Variants in GOLM2 observed in about 807,000 individuals in gnomAD.
The protein encoded by GOLM2 is golgi membrane protein 2.
GOLM2 carries 26 observed loss-of-function variants against 55.9 expected under a neutral mutation model. The ratio of observed to expected loss-of-function variants is 0.47; its 90% CI spans 0.34 to 0.65. GOLM2 has a LOEUF of 0.65. GOLM2 is among the 30% of genes least tolerant of loss of function. The probability of loss-of-function intolerance (pLI) is 0.01; values close to 1 mark genes in which losing one functional copy is unlikely to be tolerated. For missense variants in GOLM2, 486 were observed against 531.8 expected (o/e 0.91, Z 0.85); for synonymous variants, 165 against 194.6 (o/e 0.85, Z 1.27).
chr15:44,406,878 A>G (rs1006036185), intron 9 of GOLM2: 1 of 152,012 alleles, frequency 6.6e-6, no homozygotes, highest in African/African-American at 2.4e-5. Flanking sequence ...TGTATTATGA[A>G]TTGAGGCTTT....
Position 44,414,483 on chromosome 15 carries a change from C to G in GOLM2, c.*1077C>G, listed in dbSNP as rs764046156. The stretch of plus-strand genomic sequence containing the variant: ...TAATACCAGTACTGTTTAACTATAG[C>G]CAGAACTGGCTAAAATTTTTATATT... On this transcript the variant is annotated 3_prime_UTR_variant, in exon 10 of 10. Coordinates refer to ENST00000299957, the MANE Select transcript of GOLM2 (RefSeq NM_138423.4). The G allele has an allele frequency of 1.8e-4, 27 of 152,178 alleles. No homozygotes were observed. The highest frequency in any genetic ancestry group is 3.5e-4 in the Non-Finnish European group (24 of 67,996). 9.4% of individuals were successfully genotyped at this position (152,178 alleles called of 1,614,324 possible).
At chr15:44,377,666 T>C (rs1416781972) in intron 6 of GOLM2, among the ~76,000 whole-genome samples, 1 of 152,130 alleles carries the variant, frequency 6.6e-6, no homozygotes. Context: ...GAGCCACCTT[T>C]CCTGGCCCCT....
chr15:44,357,313 A>T (rs1290471736), intron 6 of GOLM2, among the ~76,000 whole-genome samples: 1 of 152,264 alleles, frequency 6.6e-6, no homozygotes, highest in Non-Finnish European at 1.5e-5. Context: ...TCACATGATT[A>T]TATCAGTGAA....
At chr15:44,343,785 C>T (rs2079104165) in intron 6 of GOLM2, among the ~76,000 whole-genome samples, 1 of 147,510 alleles carries the variant, frequency 6.8e-6, no homozygotes, top group Non-Finnish European at 1.5e-5. Context: ...GATCGCGCCA[C>T]TACACTCCAG....
At chr15:44,313,365 T>C (rs2078887178) in intron 1 of GOLM2, among the ~76,000 whole-genome samples, 1 of 152,260 alleles carries the variant, frequency 6.6e-6, no homozygotes, top group Non-Finnish European at 1.5e-5. Context: ...CTCCTGATAA[T>C]CTCAGCATCT....
intron 8 of GOLM2, among the ~76,000 whole-genome samples, chr15:44,392,548 G>A (rs1451277053): frequency 2.0e-5 from 3 of 151,768 alleles, no homozygotes; most frequent in Non-Finnish European, 2.9e-5. Context: ...GCTTGAACCC[G>A]GGAGGCGGAG....
intron 6 of GOLM2, among the ~76,000 whole-genome samples, chr15:44,376,475 TG>T (rs2079365665): frequency 6.6e-6 from 1 of 152,110 alleles, no homozygotes. Context: ...TAGGTACCCC[TG>T]GGCTCAAATG....
chr15:44,353,802 T>G (rs1369412619), intron 6 of GOLM2, among the ~76,000 whole-genome samples: 2 of 151,918 alleles, frequency 1.3e-5, no homozygotes, highest in Non-Finnish European at 2.9e-5. Flanking sequence ...TGGGGAAGGG[T>G]AAGGGGGAAG....
At chr15:44,308,348 A>C (rs2078852457) in intron 1 of GOLM2, 1 of 152,198 alleles carries the variant, frequency 6.6e-6, no homozygotes, top group Non-Finnish European at 1.5e-5. Context: ...TATTTCACCT[A>C]GCATAATGTT....
intron 8 of GOLM2, among the ~76,000 whole-genome samples, chr15:44,391,822 G>C (rs1314511882): frequency 6.6e-6 from 1 of 152,038 alleles, no homozygotes; most frequent in East Asian, 1.9e-4. Flanking sequence ...GTACCTAAAT[G>C]GTTTCATTGA....
chr15:44,407,568 A>G (rs2079605915), intron 9 of GOLM2, among the ~76,000 whole-genome samples: 1 of 151,460 alleles, frequency 6.6e-6, no homozygotes, highest in Admixed American at 6.6e-5. Context: ...GAGCCGCTGC[A>G]CCTGGCTCCT....
intron 1 of GOLM2, among the ~76,000 whole-genome samples, chr15:44,309,037 A>G (rs1161445337): frequency 6.6e-6 from 1 of 152,182 alleles, no homozygotes; most frequent in East Asian, 1.9e-4. Flanking sequence ...ATATGGAAAA[A>G]TGTTCAACAT....
Position 44,403,185 on chromosome 15 carries a change from G to A in GOLM2, c.1240+131G>A, listed in dbSNP as rs539969208. The A allele has an allele frequency of 5.3e-5, 56 of 1,049,532 alleles. 1 individual carries two copies. The East Asian group carries it at 1.4e-3, about 26-fold the overall frequency. The allele number at this position is 1,049,532 out of a possible 1,614,324, so 65.0% of individuals were successfully genotyped here. On this transcript the variant is annotated intron_variant, in intron 9 of 9. Coordinates refer to ENST00000299957, the MANE Select transcript of GOLM2 (RefSeq NM_138423.4). ...AAATTTTTTGTTTTTTCTTTGTGAC[G>A]GAATTTCGCTTTTGTTGCCCAGGCT...
intron 6 of GOLM2, chr15:44,355,056 C>T (rs2141164726): frequency 6.3e-6 from 1 of 158,256 alleles, no homozygotes; most frequent in Middle Eastern, 3.0e-3. Context: ...GTCATCATCT[C>T]TGCTGCCTTT....
chr15:44,315,373 G>T (rs972699897), intron 1 of GOLM2, among the ~76,000 whole-genome samples: 3 of 152,304 alleles, frequency 2.0e-5, no homozygotes, highest in Non-Finnish European at 4.4e-5. Context: ...AAGGAAAGCA[G>T]GCACAGCTGA....
intron 6 of GOLM2, among the ~76,000 whole-genome samples, chr15:44,373,374 G>T (rs1214192162): frequency 8.8e-5 from 13 of 147,282 alleles, no homozygotes; most frequent in Non-Finnish European, 1.2e-4. Flanking sequence ...GGAGAATGGC[G>T]TGAACCCGGG....
intron 6 of GOLM2, among the ~76,000 whole-genome samples, chr15:44,362,823 T>A (rs937323362): frequency 1.1e-4 from 16 of 152,314 alleles, no homozygotes; most frequent in Non-Finnish European, 1.9e-4. Context: ...CAAAACAGCA[T>A]GGTACTGATA....
chr15:44,406,218 T>G (rs2079596434), intron 9 of GOLM2: 1 of 151,960 alleles, frequency 6.6e-6, no homozygotes, highest in African/African-American at 2.4e-5. Context: ...CTGGCCAACC[T>G]CTCTACTAAA....
intron 1 of GOLM2, among the ~76,000 whole-genome samples, chr15:44,293,408 C>T (rs2078734871): frequency 6.6e-6 from 1 of 152,158 alleles, no homozygotes. Flanking sequence ...TCAGTTTTCG[C>T]CTGCTGTCCT....
Sources: allele counts gnomAD v4.1 joint callset (sites outside exome capture counted in the v4.1 genomes callset), GRCh38; gene constraint gnomAD v4.1.1; transcripts MANE v1.5; gene names NCBI Gene and HGNC (gene_info 2026-07-23, HGNC 2026-07-21).